PSD3: variants seen among roughly 807,000 people sequenced by gnomAD.
PSD3 encodes the protein PH and SEC7 domain-containing protein 3.
PSD3 carries 49 observed loss-of-function variants against 105.5 expected under a neutral mutation model. That is an observed-to-expected ratio of 0.46 (90% CI 0.37 to 0.59). The LOEUF (loss-of-function observed/expected upper bound fraction) is 0.59, where lower values mean the gene tolerates loss of function less well. Among genes scored for constraint, PSD3 ranks in the 20% least tolerant of loss-of-function variants. The pLI is 0.00. For synonymous variants in PSD3, 557 were observed against 457.8 expected (o/e 1.22, Z -2.77); for missense variants, 1,561 against 1,263.8 (o/e 1.24, Z -3.57).
intron 2 of PSD3, among the ~76,000 whole-genome samples, chr8:18,890,138 G>A (rs73666745): frequency 0.021 from 3,241 of 151,534 alleles, 105 homozygotes; most frequent in African/African-American, 0.071. Flanking sequence ...TTTAAAGCAC[G>A]GGATCCACGT....
chr8:18,898,147 C>T lies in PSD3; in HGVS notation c.131-25414G>A, dbSNP rs118025132. On this transcript the variant is annotated intron_variant, in intron 2 of 15. Coordinates refer to ENST00000327040, the MANE Select transcript of PSD3 (RefSeq NM_015310.4). ...GTTTGATTAAAGTGCAGTTTAAATC[C>T]AATGTTGCTTTGTTTGTTTTCTGTA... Among the ~76,000 whole-genome samples, 245 of 152,154 alleles carry T rather than the reference C, an allele frequency of 1.6e-3. 6 individuals carry two copies. In the East Asian group the frequency reaches 0.044, roughly 27 times the overall value.
intron 2 of PSD3, among the ~76,000 whole-genome samples, chr8:18,876,252 A>C (rs1817728973): frequency 6.6e-6 from 1 of 152,150 alleles, no homozygotes; most frequent in South Asian, 2.1e-4. Flanking sequence ...ATTATTGCCA[A>C]ATAATGTTTC....
chr8:18,618,343 C>T (rs1805851393), intron 11 of PSD3, among the ~76,000 whole-genome samples: 2 of 151,366 alleles, frequency 1.3e-5, no homozygotes, highest in Admixed American at 6.6e-5. Flanking sequence ...TATAACCCAA[C>T]CACCTTGGGC....
At chr8:18,581,889 T>C (rs973678224) in intron 12 of PSD3, among the ~76,000 whole-genome samples, 3 of 152,128 alleles carry the variant, frequency 2.0e-5, no homozygotes, top group Non-Finnish European at 4.4e-5. Flanking sequence ...GTGAAAGGCA[T>C]ATGTGACTAA....
chr8:19,072,638 T>C (rs1196322866), intron 1 of PSD3, among the ~76,000 whole-genome samples: 2 of 152,156 alleles, frequency 1.3e-5, no homozygotes, highest in Non-Finnish European at 2.9e-5. Flanking sequence ...GCTGCTCAAA[T>C]GCAACCAGGA....
At chr8:18,907,990 A>G (rs1431483073) in intron 2 of PSD3, among the ~76,000 whole-genome samples, 1 of 152,224 alleles carries the variant, frequency 6.6e-6, no homozygotes, top group African/African-American at 2.4e-5. Context: ...ATGCAACGTG[A>G]AATGGTTAAA....
intron 14 of PSD3, among the ~76,000 whole-genome samples, chr8:18,560,066 T>A (rs1230678691): frequency 6.6e-6 from 1 of 152,196 alleles, no homozygotes; most frequent in Non-Finnish European, 1.5e-5. Flanking sequence ...TCCTTAAATC[T>A]GTCCATTTTG....
At chr8:18,612,473 A>C (rs1805337151) in intron 11 of PSD3, among the ~76,000 whole-genome samples, 1 of 151,988 alleles carries the variant, frequency 6.6e-6, no homozygotes, top group Non-Finnish European at 1.5e-5. Flanking sequence ...CCTGGGTTCA[A>C]GCCATTCCCC....
intron 11 of PSD3, among the ~76,000 whole-genome samples, chr8:18,621,755 C>T (rs1056955331): frequency 6.6e-6 from 1 of 152,136 alleles, no homozygotes; most frequent in Non-Finnish European, 1.5e-5. Context: ...AAACCTTAGC[C>T]TAGTTTTAAA....
intron 9 of PSD3, among the ~76,000 whole-genome samples, chr8:18,760,727 A>C (rs545583986): frequency 1.3e-5 from 2 of 152,292 alleles, no homozygotes; most frequent in Admixed American, 1.3e-4. Flanking sequence ...ATATGCACAT[A>C]ATCAAAAGCT....
chr8:18,551,928 C>G (rs1013545765), intron 15 of PSD3, among the ~76,000 whole-genome samples: 1 of 152,098 alleles, frequency 6.6e-6, no homozygotes, highest in Non-Finnish European at 1.5e-5. Context: ...AACTCAAAAG[C>G]CTTCAGGGAC....
intron 4 of PSD3, among the ~76,000 whole-genome samples, chr8:18,823,938 G>T (rs1030879870): frequency 6.6e-6 from 1 of 152,136 alleles, no homozygotes; most frequent in Non-Finnish European, 1.5e-5. Context: ...CCTGCACTTT[G>T]GGTGGCTGAG....
chr8:18,675,430 C>T (rs1293033771), intron 9 of PSD3, among the ~76,000 whole-genome samples: 2 of 152,138 alleles, frequency 1.3e-5, no homozygotes, highest in African/African-American at 4.8e-5. Flanking sequence ...CTTGGCTCAC[C>T]AGATTTGAAT....
Position 18,783,067 on chromosome 8 carries a change from TG to T in PSD3, c.2082+16227del, listed in dbSNP as rs1326790927. Among the ~76,000 whole-genome samples, 7 of 152,310 alleles carry T rather than the reference TG, an allele frequency of 4.6e-5. No individual in the cohort carries two copies. The East Asian group carries it at 1.4e-3, about 29-fold the overall frequency. ...TTTTTTCTGAAGGGTGTAAAAAAAC[TG>T]ATGTTAAAACTTCTTTAAATGTCGA... On this transcript the variant is annotated intron_variant, in intron 8 of 15. Transcript: ENST00000327040.
At chr8:18,643,409 C>G (rs185719010) in intron 10 of PSD3, among the ~76,000 whole-genome samples, 1 of 152,168 alleles carries the variant, frequency 6.6e-6, no homozygotes. Flanking sequence ...TTAACTCTTT[C>G]TAGCACCAAC....
At chr8:18,543,713 T>C (rs1309659635) in intron 15 of PSD3, among the ~76,000 whole-genome samples, 1 of 151,902 alleles carries the variant, frequency 6.6e-6, no homozygotes, top group Non-Finnish European at 1.5e-5. Flanking sequence ...GAGGGATAAA[T>C]AAAAATTATC....
chr8:18,554,971 G>A (rs1448232025), intron 15 of PSD3, among the ~76,000 whole-genome samples: 1 of 152,114 alleles, frequency 6.6e-6, no homozygotes, highest in African/African-American at 2.4e-5. Context: ...GACTACCGTA[G>A]GGAGGCCAGT....
At chr8:18,926,582 A>G (rs1055188632) in intron 2 of PSD3, among the ~76,000 whole-genome samples, 4 of 152,176 alleles carry the variant, frequency 2.6e-5, no homozygotes, top group Admixed American at 6.5e-5. Context: ...ATACTACTTC[A>G]TATCTCCTAG....
At chr8:19,036,264 C>T (rs1029996154) in intron 1 of PSD3, among the ~76,000 whole-genome samples, 1 of 152,120 alleles carries the variant, frequency 6.6e-6, no homozygotes, top group Non-Finnish European at 1.5e-5. Flanking sequence ...TCAACTTCCC[C>T]AGTGGCCCCC....
Sources: allele counts gnomAD v4.1 joint callset (sites outside exome capture counted in the v4.1 genomes callset), GRCh38; gene constraint gnomAD v4.1.1; transcripts MANE v1.5; gene names NCBI Gene and HGNC (gene_info 2026-07-23, HGNC 2026-07-21).